The following MEGF11 variants were observed in gnomAD, a reference collection of about 807,000 sequenced individuals.
The protein encoded by MEGF11 is multiple epidermal growth factor-like domains protein 11.
A neutral mutation model predicts 146.6 loss-of-function variants in MEGF11; 126 were observed. The observed-to-expected ratio is 0.86, with a 90% confidence interval of 0.74 to 1.00. The LOEUF is 1.00. Ranked by LOEUF, MEGF11 falls within the 50% of genes least tolerant of loss-of-function variation. MEGF11 has a pLI of 0.00. For missense variants in MEGF11, 1,509 were observed against 1,521.2 expected (o/e 0.99, Z 0.13); for synonymous variants, 532 against 583.4 (o/e 0.91, Z 1.27).
At chr15:66,199,404 C>T (rs2091094646) in intron 1 of MEGF11, among the ~76,000 whole-genome samples, 1 of 152,162 alleles carries the variant, frequency 6.6e-6, no homozygotes, top group African/African-American at 2.4e-5. Flanking sequence ...CAAGTCTCCA[C>T]TCCGCTGCTA....
In MEGF11 at chr15:65,913,951, C is replaced by G. The variant is rs1428135521; in HGVS notation, c.2496G>C (p.Leu832=). 3 of 1,613,868 alleles carry G rather than the reference C, an allele frequency of 1.9e-6. No individual in the cohort carries two copies. The highest frequency in any genetic ancestry group is 2.2e-5 in the East Asian group (1 of 44,880). The stretch of plus-strand genomic sequence containing the variant: ...CTGGGCTGATCTTGGTGTAGGGATT[C>G]AGCTCCTCCATCATGAGGGCAGCTG... ...CDQAALMMEE[L]NPYTKISPAL... is the part of the protein sequence containing the mutation. The change falls in exon 20 of 26, where the codon CTG becomes CTC. Residue 832 remains leucine (L), a synonymous_variant. Transcript: ENST00000395614.
intron 1 of MEGF11, among the ~76,000 whole-genome samples, chr15:66,208,877 CA>C (rs1347747561): frequency 6.7e-6 from 1 of 150,002 alleles, no homozygotes; most frequent in African/African-American, 2.5e-5. Context: ...AACTCCATCT[CA>C]AAAAAGTAAA....
Position 65,917,034 on chromosome 15 carries a change from A to G in MEGF11, c.2087-78T>C, listed in dbSNP as rs1334213167. The G allele has an allele frequency of 1.0e-5, 14 of 1,384,296 alleles. No homozygotes were observed. In the Admixed American group the frequency reaches 1.2e-4, roughly 12 times the overall value. 85.8% of individuals were successfully genotyped at this position (1,384,296 alleles called of 1,614,324 possible). A position where few individuals can be genotyped will look rare whatever the true frequency, so the allele number is the denominator to read the frequency against. On this transcript the variant is annotated intron_variant, in intron 16 of 25. Coordinates refer to ENST00000395614, the MANE Select transcript of MEGF11 (RefSeq NM_001385028.1). ...GGAGAGGGAGAAGAAGGGGGAGTAC[A>G]TGTCAGAGCCAAGATGCCAAGATGG... is the stretch of plus-strand genomic sequence containing the variant.
chr15:65,982,126 G>T lies in MEGF11; in HGVS notation c.641+116C>A. 1 of 1,351,228 alleles carries T rather than the reference G, an allele frequency of 7.4e-7. No homozygotes were observed. The highest frequency in any genetic ancestry group is 9.7e-7 in the Non-Finnish European group (1 of 1,031,080). The allele number at this position is 1,351,228 out of a possible 1,614,324, so 83.7% of individuals were successfully genotyped here. ...GGCTGGGCGTGCAGCTGCGGTGAGG[G>T]CAGCCACTCCAGGCCCCGCCCCAGC... On this transcript the variant is annotated intron_variant, in intron 6 of 25. Transcript: ENST00000395614. This position sits in a 1 kb window ranked among gnomAD's most constrained non-coding sequence, Gnocchi z 5.6.
intron 5 of MEGF11, among the ~76,000 whole-genome samples, chr15:65,988,510 C>T (rs898794068): frequency 1.3e-5 from 2 of 152,132 alleles, no homozygotes; most frequent in Non-Finnish European, 2.9e-5. Context: ...TTTATCCATT[C>T]GTCTGTTGAT....
chr15:65,970,602 C>T lies in MEGF11; in HGVS notation c.850G>A (p.Asp284Asn). ...CAGTGGCACTGTCCAGTCACGTGGTCACACTGCCCTCCATGGTGGCAAGGA... is the reference window on the plus strand; with the variant it reads ...CAGTGGCACTGTCCAGTCACGTGGTTACACTGCCCTCCATGGTGGCAAGGA... ...DCPCHHGGQCDHVTGQCHCTA... is the reference protein window; with the variant it reads ...DCPCHHGGQCNHVTGQCHCTA... The change falls in exon 8 of 26, where the codon GAC becomes AAC. Residue 284 changes from aspartate to asparagine, a missense_variant. Transcript: ENST00000395614. The T allele has an allele frequency of 6.2e-7, 1 of 1,613,976 alleles. No homozygotes were observed. Among genetic ancestry groups the T allele is most frequent in the Non-Finnish European group, 8.5e-7 (1 of 1,179,866 alleles).
intron 5 of MEGF11, among the ~76,000 whole-genome samples, chr15:65,990,928 A>C (rs886596954): frequency 2.6e-5 from 4 of 152,182 alleles, no homozygotes; most frequent in African/African-American, 9.7e-5. Flanking sequence ...CTGAGCTATC[A>C]CTCAGTTTCC....
intron 10 of MEGF11, among the ~76,000 whole-genome samples, chr15:65,944,756 G>A (rs900730340): frequency 6.6e-6 from 1 of 152,152 alleles, no homozygotes; most frequent in Non-Finnish European, 1.5e-5. Flanking sequence ...TAGGCTGAAT[G>A]CAAAGACAGC....
At chr15:66,087,897 A>G (rs2086172343) in intron 5 of MEGF11, among the ~76,000 whole-genome samples, 1 of 152,164 alleles carries the variant, frequency 6.6e-6, no homozygotes, top group Non-Finnish European at 1.5e-5. Context: ...TGGTTCTTTG[A>G]AAAGATAAAT....
chr15:66,045,088 A>C (rs1046375252), intron 5 of MEGF11, among the ~76,000 whole-genome samples: 3 of 152,176 alleles, frequency 2.0e-5, no homozygotes, highest in African/African-American at 7.2e-5. Flanking sequence ...CCCCAAATCT[A>C]AAAGCCTTAA....
chr15:66,032,305 T>C (rs1268561357), intron 5 of MEGF11, among the ~76,000 whole-genome samples: 1 of 152,222 alleles, frequency 6.6e-6, no homozygotes, highest in Non-Finnish European at 1.5e-5. Context: ...GAAAACAGAC[T>C]GTGACAGAAA....
intron 1 of MEGF11, among the ~76,000 whole-genome samples, chr15:66,237,528 C>A (rs979392847): frequency 2.0e-5 from 3 of 152,216 alleles, no homozygotes; most frequent in African/African-American, 7.2e-5. Flanking sequence ...CCTTCCAGGT[C>A]CACCGTCCTG....
intron 5 of MEGF11, among the ~76,000 whole-genome samples, chr15:66,067,827 G>A (rs971387083): frequency 3.3e-5 from 5 of 152,148 alleles, no homozygotes; most frequent in Non-Finnish European, 4.4e-5. Flanking sequence ...TTTCCAGTTC[G>A]CTAAATGGTT....
intron 1 of MEGF11, among the ~76,000 whole-genome samples, chr15:66,141,555 A>G (rs1425941497): frequency 6.6e-6 from 1 of 151,966 alleles, no homozygotes; most frequent in African/African-American, 2.4e-5. Context: ...CACAGCACCC[A>G]GAAGAGGATT....
At chr15:65,939,697 G>A (rs1215883111) in intron 10 of MEGF11, among the ~76,000 whole-genome samples, 1 of 152,028 alleles carries the variant, frequency 6.6e-6, no homozygotes, top group Non-Finnish European at 1.5e-5. Flanking sequence ...GTTTCACCAT[G>A]TTAGTCAGGC....
At chr15:66,008,405 GCGCGCGCACACACACACACA>G (rs1408788556) in intron 5 of MEGF11, among the ~76,000 whole-genome samples, 2 of 18,064 alleles carry the variant, frequency 1.1e-4, no homozygotes, top group Non-Finnish European at 2.9e-4. Flanking sequence ...ATGCACACGC[GCGCGCGCACACACACACACA>G]CACACACACA....
At chr15:65,950,616 C>T (rs1391119915) in intron 10 of MEGF11, among the ~76,000 whole-genome samples, 1 of 81,250 alleles carries the variant, frequency 1.2e-5, no homozygotes, top group Non-Finnish European at 2.9e-5. Context: ...CACACACACA[C>T]ACACACACAC....
intron 7 of MEGF11, among the ~76,000 whole-genome samples, chr15:65,975,286 C>G (rs1312880229): frequency 6.6e-6 from 1 of 152,232 alleles, no homozygotes; most frequent in Non-Finnish European, 1.5e-5. Flanking sequence ...GCTCATGCCA[C>G]CACATCTGGC....
chr15:66,097,088 T>C (rs2086585618), intron 4 of MEGF11, among the ~76,000 whole-genome samples: 1 of 152,196 alleles, frequency 6.6e-6, no homozygotes, highest in Admixed American at 6.5e-5. Context: ...TGCAGGTGCA[T>C]CTCCCTCCTT....
Sources: gnomAD v4.1 joint callset for allele counts (sites outside exome capture counted in the v4.1 genomes callset) on GRCh38, gnomAD v4.1.1 for gene constraint, Gnocchi (gnomAD v3.1) non-coding constraint, MANE v1.5 for transcripts, NCBI Gene and HGNC (gene_info 2026-07-23, HGNC 2026-07-21) for gene names.